TCF7: variants seen among roughly 807,000 people sequenced by gnomAD.
TCF7 encodes T-cell-factor-7.
TCF7 carries 19 observed loss-of-function variants against 46.8 expected under a neutral mutation model. The ratio of observed to expected loss-of-function variants is 0.41; its 90% CI spans 0.28 to 0.60. TCF7 has a LOEUF of 0.60. Ranked by LOEUF, TCF7 falls within the 20% of genes least tolerant of loss-of-function variation. The pLI is 0.35. For missense variants in TCF7, 547 were observed against 504.6 expected (o/e 1.08, Z -0.81); for synonymous variants, 245 against 213.4 (o/e 1.15, Z -1.29).
intron 9 of TCF7, chr5:134,144,878 GTCC>G: frequency 6.2e-7 from 1 of 1,612,720 alleles, no homozygotes. Context: ...AGGTGGGTTT[GTCC>G]CCACCATCGT....
intron 3 of TCF7, among the ~76,000 whole-genome samples, chr5:134,117,671 C>T (rs1030529596): frequency 2.0e-5 from 3 of 152,204 alleles, no homozygotes; most frequent in Non-Finnish European, 4.4e-5. Flanking sequence ...CTTTGGGCCA[C>T]ATGGGTCAAG....
At chr5:134,115,672 A>G in intron 2 of TCF7, 1 of 1,429,952 alleles carries the variant, frequency 7.0e-7, no homozygotes, top group Non-Finnish European at 9.1e-7. Context: ...AGAATTGGCC[A>G]AGGTTTCTTG....
intron 9 of TCF7, chr5:134,144,844 C>T: frequency 6.2e-7 from 1 of 1,614,206 alleles, no homozygotes; most frequent in Middle Eastern, 1.6e-4. Context: ...CCTCAACCAG[C>T]AGACGGATTG....
At chr5:134,143,268 C>A in intron 8 of TCF7, 168 bp downstream of exon 8, 1 of 770,834 alleles carries the variant, frequency 1.3e-6, no homozygotes, top group Admixed American at 1.9e-5. Context: ...GAGGACAAGC[C>A]CACATCCTAT....
chr5:134,127,452 T>C (rs1231410485), intron 3 of TCF7, among the ~76,000 whole-genome samples: 1 of 152,270 alleles, frequency 6.6e-6, no homozygotes, highest in East Asian at 1.9e-4. Context: ...GGTGGATCAC[T>C]TCCTCTTTCT....
rs151077670 is a variant in TCF7, at chr5:134,142,922, C to T, written c.918+39C>T. ...CAGGTGGGCTGGCAGGGATGCTCCC[C>T]GACCATCTTCAGCCTGGTGCAGCCT... On this transcript the variant is annotated intron_variant, in intron 7 of 9. Transcript: ENST00000342854. 1,204 of 1,611,178 alleles carry T rather than the reference C, an allele frequency of 7.5e-4. 11 individuals carry two copies. The African/African-American group carries it at 0.011, about 15-fold the overall frequency.
In TCF7 at chr5:134,143,064, G is replaced by A. The variant is rs755251433; in HGVS notation, c.990G>A (p.Met330Ile). The A allele has an allele frequency of 6.2e-7, 1 of 1,611,014 alleles. No homozygotes were observed. The highest frequency in any genetic ancestry group is 8.5e-7 in the Non-Finnish European group (1 of 1,178,636). The change falls in exon 8 of 10, where the codon ATG becomes ATA. Residue 330 changes from methionine to isoleucine, a missense_variant. By Grantham distance (10) the Met-to-Ile change is conservative. Around this residue, in one of 3 missense-constraint regions of TCF7, gnomAD observed 90 missense variants for 88.8 expected, o/e 1.01. Transcript: ENST00000342854. ...CCCGCAAGGAGAGGCAGCTGCACAT[G>A]CAGCTATACCCAGGCTGGTCAGCGC... Reference protein sequence around the residue: ...ELARKERQLHMQLYPGWSARD... With the variant: ...ELARKERQLHIQLYPGWSARD...
At chr5:134,140,366 G>A (rs1759552398) in intron 5 of TCF7, among the ~76,000 whole-genome samples, 1 of 152,236 alleles carries the variant, frequency 6.6e-6, no homozygotes, top group Admixed American at 6.5e-5. Context: ...AGCCCAGAGA[G>A]GTACCTCATC....
chr5:134,129,117 G>C (rs542247207), intron 3 of TCF7, among the ~76,000 whole-genome samples: 147 of 152,370 alleles, frequency 9.6e-4, no homozygotes, highest in African/African-American at 3.4e-3. Flanking sequence ...CCTCGGGCAA[G>C]ATTCTTAGCT....
intron 4 of TCF7, chr5:134,138,697 G>C: frequency 2.0e-6 from 1 of 496,172 alleles, no homozygotes; most frequent in South Asian, 3.0e-5. Context: ...CCATGCCTGA[G>C]TGACTTCAGC....
chr5:134,135,102 C>T (rs1375566055), intron 3 of TCF7, among the ~76,000 whole-genome samples: 3 of 152,190 alleles, frequency 2.0e-5, no homozygotes, highest in Admixed American at 2.0e-4. Context: ...TACAGGCATG[C>T]ACCACCATGC....
chr5:134,139,354 C>T, intron 5 of TCF7: 1 of 327,370 alleles, frequency 3.1e-6, no homozygotes, highest in African/African-American at 2.0e-5. Flanking sequence ...GCTAAGGGAC[C>T]TCCAGGGCCA....
intron 9 of TCF7, chr5:134,145,976 T>G: frequency 6.8e-7 from 1 of 1,473,926 alleles, no homozygotes; most frequent in Non-Finnish European, 8.9e-7. Flanking sequence ...GGAAGACAGA[T>G]GACAGCCCAT....
chr5:134,145,439 G>A (rs1390505670), intron 9 of TCF7: 2 of 560,276 alleles, frequency 3.6e-6, no homozygotes, highest in Non-Finnish European at 3.4e-6. Flanking sequence ...CTGAGGGAAA[G>A]GGCTCATGTG....
the TCF7 span, among the ~76,000 whole-genome samples, chr5:134,109,055 T>C: frequency 6.6e-6 from 1 of 152,120 alleles, no homozygotes; most frequent in Non-Finnish European, 1.5e-5. Flanking sequence ...TTCCACAAGA[T>C]GGTGAGTTGC....
Position 134,115,121 on chromosome 5 carries a change from C to CG in TCF7, c.220dup (p.Ala74GlyfsTer118). The CG allele has an allele frequency of 2.0e-6, 2 of 1,017,932 alleles. No individual in the cohort carries two copies. The highest frequency in any genetic ancestry group is 1.2e-6 in the Non-Finnish European group (1 of 852,166). 63.1% of individuals were successfully genotyped at this position (1,017,932 alleles called of 1,614,324 possible). On this transcript the variant is annotated frameshift_variant, in exon 1 of 10. Coordinates refer to ENST00000342854, the MANE Select transcript of TCF7 (RefSeq NM_003202.5). LOFTEE classifies it high-confidence loss of function. ...GGCGGCGCAGGGATCCCGGGGGTCCCGGGGGCCGGCGCCGGGGCCCGCGGC... is the reference window on the plus strand; with the variant it reads ...GGCGGCGCAGGGATCCCGGGGGTCCCGGGGGGCCGGCGCCGGGGCCCGCGGC...
chr5:134,146,454 A>G lies in TCF7; in HGVS notation c.*151A>G. 1.1e-6 allele frequency: 1 copy of G among 891,082 alleles called. No homozygotes were observed. The highest frequency in any genetic ancestry group is 1.9e-6 in the Non-Finnish European group (1 of 534,324). The allele number at this position is 891,082 out of a possible 1,614,324, so 55.2% of individuals were successfully genotyped here. ...AGCCTCCCAACCCCAGGGCCCCCACAGGCCCCCCGCAGCACCCTGCAGAGC... is the reference window on the plus strand; with the variant it reads ...AGCCTCCCAACCCCAGGGCCCCCACGGGCCCCCCGCAGCACCCTGCAGAGC... On this transcript the variant is annotated 3_prime_UTR_variant, in exon 10 of 10. Transcript: ENST00000342854.
rs1336678806 is a variant in TCF7, at chr5:134,114,752, G to A, written c.-155G>A. The A allele has an allele frequency of 7.9e-5, 60 of 755,176 alleles. No individual in the cohort carries two copies. The highest frequency in any genetic ancestry group is 9.1e-5 in the Non-Finnish European group (57 of 623,478). 46.8% of individuals were successfully genotyped at this position (755,176 alleles called of 1,614,324 possible). A position where few individuals can be genotyped will look rare whatever the true frequency, so the allele number is the denominator to read the frequency against. On this transcript the variant is annotated 5_prime_UTR_variant, in exon 1 of 10. Transcript: ENST00000342854. ...GCCGCTCTGCCCCGCGCCCTAGCCC[G>A]CGCCTGCAGCCCGCCCAGGCGGAGT...
chr5:134,143,451 G>A (rs1467875148), intron 8 of TCF7, 141 bp from the exon 9 acceptor site: 1 of 973,946 alleles, frequency 1.0e-6, no homozygotes, highest in Admixed American at 1.7e-5. Flanking sequence ...AGCAAGACCA[G>A]CAATCAAGAA....
Sources: gnomAD v4.1 joint callset for allele counts (sites outside exome capture counted in the v4.1 genomes callset) on GRCh38, gnomAD v4.1.1 for gene constraint, gnomAD v4.1.1 regional missense constraint, MANE v1.5 for transcripts, NCBI Gene and HGNC (gene_info 2026-07-23, HGNC 2026-07-21) for gene names.